The following HPSE2 variants were observed in gnomAD, a reference collection of about 807,000 sequenced individuals.
HPSE2 encodes inactive heparanase-2.
Under a neutral mutation model 60.5 loss-of-function variants are expected in HPSE2, and 38 were observed. The ratio of observed to expected loss-of-function variants is 0.63; its 90% CI spans 0.48 to 0.82. The LOEUF is 0.82. HPSE2 is among the 40% of genes least tolerant of loss of function. The pLI is 0.00. For synonymous variants in HPSE2, 295 were observed against 293.2 expected (o/e 1.01, Z -0.06); for missense variants, 713 against 740.4 (o/e 0.96, Z 0.43).
chr10:99,118,123 A>T (rs1030592173), intron 3 of HPSE2, among the ~76,000 whole-genome samples: 1 of 152,080 alleles, frequency 6.6e-6, no homozygotes, highest in Non-Finnish European at 1.5e-5. Flanking sequence ...ACATAAACAG[A>T]ATTAAAGACA....
At chr10:98,988,110 C>T (rs1472744906) in intron 3 of HPSE2, among the ~76,000 whole-genome samples, 3 of 152,180 alleles carry the variant, frequency 2.0e-5, no homozygotes, top group African/African-American at 7.2e-5. Context: ...CATCAAGCTA[C>T]CAATGACTTT....
At chr10:98,588,211 A>G (rs3866908) in intron 9 of HPSE2, among the ~76,000 whole-genome samples, 137,096 of 152,264 alleles carry the variant, frequency 0.9, 62,078 homozygotes, top group East Asian at 0.95. Context: ...CTGACATAAT[A>G]TTTCACTAGA....
chr10:98,511,738 G>A (rs888481060), intron 9 of HPSE2, among the ~76,000 whole-genome samples: 2 of 152,086 alleles, frequency 1.3e-5, no homozygotes, highest in African/African-American at 4.8e-5. Flanking sequence ...TTGAATAAAT[G>A]ATCAAATTAA....
rs1945429607 is a variant in HPSE2, at chr10:98,601,652, A to G, written c.1320+13252T>C. ...CAGCATGACTACCATATAATTGCCC[A>G]CCCCTGCGGGGAGGAATACTGGCTT... On this transcript the variant is annotated intron_variant, in intron 9 of 11. Coordinates refer to ENST00000370552, the MANE Select transcript of HPSE2 (RefSeq NM_021828.5). Among the ~76,000 whole-genome samples, 2 of 152,222 alleles carry G rather than the reference A, an allele frequency of 1.3e-5. 1 individual carries two copies. The highest frequency in any genetic ancestry group is 4.1e-4 in the South Asian group (2 of 4,832).
chr10:98,867,447 TATC>T lies in HPSE2; in HGVS notation c.611-123394_611-123392del, dbSNP rs566052316. On this transcript the variant is annotated intron_variant, in intron 3 of 11. Coordinates refer to ENST00000370552, the MANE Select transcript of HPSE2 (RefSeq NM_021828.5). ...AATGGAAATCAAAACCACAATGAGA[TATC>T]ATCTCATTCCAGTCAAAATGGCTTT... Among the ~76,000 whole-genome samples the T allele has an allele frequency of 3.7e-3, 561 of 152,206 alleles. 2 individuals carry two copies. Among genetic ancestry groups the T allele is most frequent in the Middle Eastern group, 0.01 (3 of 294 alleles).
chr10:99,180,977 G>A (rs1187570782), intron 2 of HPSE2, among the ~76,000 whole-genome samples: 1 of 150,762 alleles, frequency 6.6e-6, no homozygotes, highest in African/African-American at 2.4e-5. Flanking sequence ...TGGTGGGAGT[G>A]TATATTAGTT....
Position 98,821,664 on chromosome 10 carries a change from C to G in HPSE2, c.611-77608G>C, listed in dbSNP as rs181061529. On this transcript the variant is annotated intron_variant, in intron 3 of 11. Coordinates refer to ENST00000370552, the MANE Select transcript of HPSE2 (RefSeq NM_021828.5). ...CAGCCGTTACGCCTTTGGGGTTGTT[C>G]GTGATTTTGGTGTGCTTTGGAAACA... 3.3e-5 allele frequency among the ~76,000 whole-genome samples: 5 copies of G among 152,232 alleles called. No individual in the cohort carries two copies. The East Asian group carries it at 9.7e-4, about 29-fold the overall frequency.
chr10:98,562,968 G>A (rs1944235135), intron 9 of HPSE2, among the ~76,000 whole-genome samples: 1 of 151,794 alleles, frequency 6.6e-6, no homozygotes, highest in African/African-American at 2.4e-5. Flanking sequence ...TGGGGCTCTG[G>A]CTTAAAAAAC....
At chr10:98,980,092 G>A (rs960333878) in intron 3 of HPSE2, among the ~76,000 whole-genome samples, 6 of 152,068 alleles carry the variant, frequency 3.9e-5, no homozygotes, top group Admixed American at 6.6e-5. Flanking sequence ...GTTCTACAAC[G>A]CAGGACATAT....
At chr10:98,699,137 T>G (rs1338380366) in intron 5 of HPSE2, among the ~76,000 whole-genome samples, 1 of 151,862 alleles carries the variant, frequency 6.6e-6, no homozygotes, top group Non-Finnish European at 1.5e-5. Context: ...CCTAACTCAT[T>G]TTATGAGGCC....
intron 3 of HPSE2, among the ~76,000 whole-genome samples, chr10:99,104,759 G>T (rs1196698517): frequency 6.6e-6 from 1 of 152,132 alleles, no homozygotes; most frequent in Admixed American, 6.5e-5. Flanking sequence ...CATGTGCTTT[G>T]TAAGGACATG....
At chr10:99,056,468 G>A (rs1958116033) in intron 3 of HPSE2, among the ~76,000 whole-genome samples, 1 of 152,086 alleles carries the variant, frequency 6.6e-6, no homozygotes, top group South Asian at 2.1e-4. Flanking sequence ...TAAGCCTGAT[G>A]CAAAAATCTG....
At chr10:99,054,458 T>A (rs1049804367) in intron 3 of HPSE2, among the ~76,000 whole-genome samples, 50 of 151,842 alleles carry the variant, frequency 3.3e-4, no homozygotes, top group African/African-American at 1.2e-3. Context: ...ACTAACAAGG[T>A]CTGAAACCAA....
intron 9 of HPSE2, among the ~76,000 whole-genome samples, chr10:98,529,261 T>C (rs1270745688): frequency 6.6e-6 from 1 of 152,228 alleles, no homozygotes; most frequent in East Asian, 1.9e-4. Flanking sequence ...TTATTTTTGT[T>C]GTGTTGAGAT....
At position 99,082,899 on chromosome 10, in the gene HPSE2, G is replaced by C. The variant is rs1220949911; in HGVS notation, c.610+61339C>G. 2.0e-5 allele frequency among the ~76,000 whole-genome samples: 3 copies of C among 152,148 alleles called. No homozygotes were observed. The East Asian group carries it at 5.8e-4, about 29-fold the overall frequency. ...CGAAAATAAATTATGCCATTTAGTA[G>C]CAAAACAAATAAAGATGATTTTTAT... is the stretch of plus-strand genomic sequence containing the variant. On this transcript the variant is annotated intron_variant, in intron 3 of 11. Coordinates refer to ENST00000370552, the MANE Select transcript of HPSE2 (RefSeq NM_021828.5).
At chr10:98,538,977 T>C (rs1052356285) in intron 9 of HPSE2, among the ~76,000 whole-genome samples, 1 of 152,180 alleles carries the variant, frequency 6.6e-6, no homozygotes, top group African/African-American at 2.4e-5. Flanking sequence ...AAATTGTCCA[T>C]AGGTAGCCAG....
chr10:98,801,153 T>A (rs550878663), intron 3 of HPSE2, among the ~76,000 whole-genome samples: 55 of 152,290 alleles, frequency 3.6e-4, no homozygotes, highest in African/African-American at 1.3e-3. Flanking sequence ...TTTGATTACA[T>A]TTAACATCCC....
the HPSE2 span, among the ~76,000 whole-genome samples, chr10:99,305,977 G>GCACACACACACACACACACACACA: frequency 3.2e-3 from 171 of 53,660 alleles, 1 homozygote; most frequent in African/African-American, 8.2e-3. Context: ...GCGCGCGCGC[G>GCACACACACACACACACACACACA]CGCACACACA....
intron 6 of HPSE2, among the ~76,000 whole-genome samples, chr10:98,684,611 GGGTATATGAATGGTTAGGA>G (rs377191465): frequency 6.6e-6 from 1 of 152,028 alleles, no homozygotes; most frequent in Non-Finnish European, 1.5e-5. Context: ...AAGTAAGTTT[GGGTATATGAATGGTTAGGA>G]GGTATGAGAG....
Sources: allele counts gnomAD v4.1 joint callset (sites outside exome capture counted in the v4.1 genomes callset), GRCh38; gene constraint gnomAD v4.1.1; transcripts MANE v1.5; gene names NCBI Gene and HGNC (gene_info 2026-07-23, HGNC 2026-07-21).